AHCYL1: variants seen among roughly 807,000 people sequenced by gnomAD.
AHCYL1 encodes the protein S-adenosylhomocysteine hydrolase-like protein 1.
Under a neutral mutation model 79.3 loss-of-function variants are expected in AHCYL1, and 20 were observed. The ratio of observed to expected loss-of-function variants is 0.25; its 90% confidence interval spans 0.18 to 0.37. The LOEUF is 0.37. Among genes scored for constraint, AHCYL1 ranks in the 10% least tolerant of loss-of-function variants. AHCYL1 has a pLI of 1.00. For synonymous variants in AHCYL1, 223 were observed against 242.2 expected, an observed-to-expected ratio of 0.92 and a Z score of 0.74; for missense variants, 330 against 673.6, an observed-to-expected ratio of 0.49 and a Z score of 5.65.
In AHCYL1 at chr1:110,018,451, A is replaced by G. The variant is rs759781916; in HGVS notation, c.1202A>G (p.Asn401Ser). 4 of 1,614,194 alleles carry G rather than the reference A, an allele frequency of 2.5e-6. No individual in the cohort carries two copies. The highest frequency in any genetic ancestry group is 1.7e-6 in the Non-Finnish European group (2 of 1,180,032). ...ATCGTATGCAATATGGGCCACTCCA[A>G]CACAGAAATCGATGTGGTAAGGCTT... ...SCIVCNMGHS[N>S]TEIDVTSLRT... The change falls in exon 12 of 17, where the codon AAC becomes AGC. Residue 401 changes from asparagine to serine, a missense_variant. By Grantham distance (46) the Asn-to-Ser change is conservative (BLOSUM62 1). Transcript: ENST00000369799.
intron 1 of AHCYL1, among the ~76,000 whole-genome samples, chr1:110,007,452 G>C (rs944696338): frequency 6.6e-6 from 1 of 152,194 alleles, no homozygotes; most frequent in Non-Finnish European, 1.5e-5. Context: ...TAGCTTTACT[G>C]ACTGTAGAAA....
At chr1:109,993,884 A>C (rs1649887883) in intron 1 of AHCYL1, among the ~76,000 whole-genome samples, 1 of 152,232 alleles carries the variant, frequency 6.6e-6, no homozygotes, top group African/African-American at 2.4e-5. Flanking sequence ...GGAGGCTTTC[A>C]CATAGGGTAT....
intron 1 of AHCYL1, among the ~76,000 whole-genome samples, chr1:110,007,912 T>C (rs1397554896): frequency 1.3e-5 from 2 of 152,086 alleles, no homozygotes; most frequent in African/African-American, 2.4e-5. Context: ...ACTTTATAAA[T>C]CTATAAATAA....
chr1:109,992,408 CAAAAAAAAA>C (rs57891226), intron 1 of AHCYL1, among the ~76,000 whole-genome samples: 1 of 72,770 alleles, frequency 1.4e-5, no homozygotes, highest in East Asian at 3.8e-4. Context: ...GACTCCGTCT[CAAAAAAAAA>C]AAAAAAAAAA....
chr1:110,017,657 A>G, intron 10 of AHCYL1, 74 bp downstream of exon 10: 1 of 1,492,680 alleles, frequency 6.7e-7, no homozygotes. Context: ...AATTGAGTAT[A>G]TTAATCATTT....
intron 1 of AHCYL1, among the ~76,000 whole-genome samples, chr1:109,986,916 T>C (rs1266545337): frequency 6.6e-6 from 1 of 152,180 alleles, no homozygotes; most frequent in Non-Finnish European, 1.5e-5. Flanking sequence ...CCTTTTCCTC[T>C]CTTCTTCCCA....
chr1:110,008,279 T>C (rs557643355), intron 1 of AHCYL1, among the ~76,000 whole-genome samples: 1 of 152,236 alleles, frequency 6.6e-6, no homozygotes, highest in East Asian at 1.9e-4. Context: ...AGTGTTGGGA[T>C]TACAGGCGTG....
In AHCYL1 at chr1:110,017,495, G is replaced by A; in HGVS notation, c.964G>A (p.Val322Ile). The A allele has an allele frequency of 1.2e-6, 2 of 1,613,924 alleles. No homozygotes were observed. The highest frequency in any genetic ancestry group is 1.7e-6 in the Non-Finnish European group (2 of 1,179,970). Residue 322 changes from valine to isoleucine, a missense_variant and splice_region_variant, in exon 10 of 17, where the codon GTA (valine) becomes ATA (isoleucine). By Grantham distance (29) the Val-to-Ile change is conservative. Transcript: ENST00000369799. ...KQVVVCGYGE[V>I]GKGCCAALKA... ...ACTTGACCTTTCTTTTGTTCTGCAG[G>A]TAGGCAAGGGCTGCTGTGCTGCTCT...
chr1:110,004,484 G>A (rs1209811473), intron 1 of AHCYL1: 1 of 985,314 alleles, frequency 1.0e-6, no homozygotes, highest in Non-Finnish European at 1.2e-6. Flanking sequence ...TGTTGGGAAG[G>A]GAATTCCTTT....
chr1:110,006,913 A>G (rs553589663), intron 1 of AHCYL1, among the ~76,000 whole-genome samples: 1 of 152,136 alleles, frequency 6.6e-6, no homozygotes, highest in Non-Finnish European at 1.5e-5. Flanking sequence ...TATGGACCAT[A>G]TTCATTATTT....
chr1:110,014,709 G>C, intron 5 of AHCYL1, 54 bp from the exon 6 acceptor site: 1 of 1,336,262 alleles, frequency 7.5e-7, no homozygotes, highest in Non-Finnish European at 1.1e-6. Flanking sequence ...AAAGTGATTT[G>C]GTACAGGACA....
chr1:109,986,674 T>C (rs1249369329), intron 1 of AHCYL1, among the ~76,000 whole-genome samples: 1 of 152,256 alleles, frequency 6.6e-6, no homozygotes, highest in Non-Finnish European at 1.5e-5. Context: ...TCTTCTTTGC[T>C]GTTACTTGCC....
chr1:109,985,429 A>G (rs2101685250), intron 1 of AHCYL1: 3 of 1,198,196 alleles, frequency 2.5e-6, no homozygotes, highest in Non-Finnish European at 3.1e-6. Flanking sequence ...TAAATTTGCG[A>G]CTGACTTTTC....
intron 1 of AHCYL1, among the ~76,000 whole-genome samples, chr1:109,988,085 G>A (rs568327728): frequency 6.6e-6 from 1 of 152,160 alleles, no homozygotes; most frequent in African/African-American, 2.4e-5. Context: ...AACCTCGAGG[G>A]CTAAGATAGT....
At chr1:110,000,351 C>T (rs747160776) in intron 1 of AHCYL1, among the ~76,000 whole-genome samples, 15 of 152,188 alleles carry the variant, frequency 9.9e-5, no homozygotes, top group Non-Finnish European at 2.1e-4. Flanking sequence ...TTACTCCATC[C>T]CCAGAAGACA....
At chr1:110,017,687 G>A in intron 10 of AHCYL1, 104 bp downstream of exon 10, 1 of 1,269,360 alleles carries the variant, frequency 7.9e-7, no homozygotes, top group South Asian at 1.3e-5. Flanking sequence ...TCACCTAGGG[G>A]AAGAGAAGGC....
At chr1:109,989,108 G>A (rs541747644) in intron 1 of AHCYL1, among the ~76,000 whole-genome samples, 1 of 152,332 alleles carries the variant, frequency 6.6e-6, no homozygotes, top group Admixed American at 6.5e-5. Context: ...AGGAGTTGGG[G>A]TGTAAGAAGA....
chr1:110,004,219 T>TA (rs1650504412), intron 1 of AHCYL1: 2 of 985,450 alleles, frequency 2.0e-6, no homozygotes, highest in South Asian at 9.4e-5. Flanking sequence ...CGGGGGAAGA[T>TA]ATGTGCTGAG....
At chr1:110,013,292 A>G (rs2101732016) in intron 5 of AHCYL1, among the ~76,000 whole-genome samples, 1 of 152,366 alleles carries the variant, frequency 6.6e-6, no homozygotes, top group African/African-American at 2.4e-5. Context: ...AGTGCCATCA[A>G]TTTTGTGAGA....
Sources: gnomAD v4.1 joint callset for allele counts (sites outside exome capture counted in the v4.1 genomes callset) on GRCh38, gnomAD v4.1.1 for gene constraint, MANE v1.5 for transcripts, NCBI Gene and HGNC (gene_info 2026-07-23, HGNC 2026-07-21) for gene names.